SPINK13: variants seen among roughly 807,000 people sequenced by gnomAD.
SPINK13 encodes the protein serine protease inhibitor Kazal-type 13.
In SPINK13, 11 loss-of-function variants were observed where a neutral mutation model predicts 11.0. That is an observed-to-expected ratio of 1.00 (90% CI 0.63 to 1.65). The LOEUF (loss-of-function observed/expected upper bound fraction) is 1.65. Among genes scored for constraint, SPINK13 ranks in the 40% most tolerant of loss-of-function variants. SPINK13 has a pLI of 0.00. For missense variants in SPINK13, 113 were observed against 117.7 expected, an observed-to-expected ratio of 0.96 and a Z score of 0.19; for synonymous variants, 31 against 35.6, an observed-to-expected ratio of 0.87 and a Z score of 0.46.
intron 3 of SPINK13, 30 bp downstream of exon 3, chr5:148,274,414 T>A (rs780768969): frequency 7.6e-6 from 12 of 1,581,852 alleles, no homozygotes; most frequent in South Asian, 6.7e-5. Flanking sequence ...TTCTAGGTTG[T>A]AATTCTAGTC....
intron 2 of SPINK13, among the ~76,000 whole-genome samples, chr5:148,272,302 G>T (rs1008298620): frequency 2.6e-5 from 4 of 152,140 alleles, no homozygotes; most frequent in East Asian, 1.9e-4. Context: ...AGAAGATAAT[G>T]CCAGATGGTT....
At chr5:148,272,189 T>C (rs569651596) in intron 2 of SPINK13, among the ~76,000 whole-genome samples, 17 of 152,278 alleles carry the variant, frequency 1.1e-4, no homozygotes, top group African/African-American at 4.1e-4. Flanking sequence ...TTCTTATACA[T>C]GTTTTTTGAT....
intron 3 of SPINK13, among the ~76,000 whole-genome samples, chr5:148,278,667 G>T (rs544602776): frequency 6.6e-6 from 1 of 152,296 alleles, no homozygotes; most frequent in South Asian, 2.1e-4. Flanking sequence ...TTTTGCATTT[G>T]CTGAGGAGTG....
chr5:148,282,285 T>C, intron 4 of SPINK13, 54 bp downstream of exon 4: 3 of 1,601,610 alleles, frequency 1.9e-6, no homozygotes, highest in Non-Finnish European at 2.6e-6. Context: ...TCACAGAAAT[T>C]TCAAAGAAAC....
chr5:148,283,697 A>T (rs1014547334), intron 4 of SPINK13, among the ~76,000 whole-genome samples: 12 of 152,250 alleles, frequency 7.9e-5, no homozygotes, highest in Non-Finnish European at 2.9e-5. Flanking sequence ...AAGTTACATT[A>T]TCCTTCCTTC....
Position 148,283,925 on chromosome 5 carries a change from C to T in SPINK13, c.236+1694C>T, listed in dbSNP as rs112779457. Among the ~76,000 whole-genome samples, 22 of 152,240 alleles carry T rather than the reference C, an allele frequency of 1.4e-4. 2 individuals are homozygous for T. Among genetic ancestry groups the T allele is most frequent in the African/African-American group, 4.8e-4 (20 of 41,554 alleles). ...ACACACAATGTGGGCCGTGATCTGC[C>T]GGACTATTACTTCACAACTTCCCAC... On this transcript the variant is annotated intron_variant, in intron 4 of 4. Coordinates refer to ENST00000398450, the MANE Select transcript of SPINK13 (RefSeq NM_001040129.3).
intron 2 of SPINK13, among the ~76,000 whole-genome samples, chr5:148,272,661 T>G (rs1170373737): frequency 6.6e-6 from 1 of 152,140 alleles, no homozygotes; most frequent in African/African-American, 2.4e-5. Context: ...CAATACTTCC[T>G]GTTCTCAGGA....
intron 3 of SPINK13, among the ~76,000 whole-genome samples, chr5:148,275,666 CT>C (rs768312591): frequency 4.6e-3 from 660 of 142,094 alleles, no homozygotes; most frequent in Non-Finnish European, 4.6e-3. Flanking sequence ...GACTTTTTTT[CT>C]TTTTTTTTTT....
chr5:148,271,215 CCTG>C (rs1756345306), intron 2 of SPINK13, among the ~76,000 whole-genome samples: 1 of 152,300 alleles, frequency 6.6e-6, no homozygotes, highest in African/African-American at 2.4e-5. Context: ...CAATTGATTG[CCTG>C]CTATGTGTAG....
intron 4 of SPINK13, among the ~76,000 whole-genome samples, chr5:148,282,923 G>T (rs1756539299): frequency 6.6e-6 from 1 of 152,116 alleles, no homozygotes; most frequent in Non-Finnish European, 1.5e-5. Context: ...GGTTCCCCAA[G>T]ACTATCTTCA....
intron 2 of SPINK13, among the ~76,000 whole-genome samples, chr5:148,271,744 C>T (rs1581163691): frequency 6.6e-6 from 1 of 152,280 alleles, no homozygotes; most frequent in East Asian, 1.9e-4. Flanking sequence ...CCTGCCTCAG[C>T]CTCCCGAGTA....
rs751793157 is a variant in SPINK13, at chr5:148,276,643, T to C, written c.108+2259T>C. Reference sequence around the variant, plus strand: ...TGTTATTTCTGAGGCCTCTGTTCTGTTCCATTGGTCTATACAGCTGTTTTG... The same window carrying C: ...TGTTATTTCTGAGGCCTCTGTTCTGCTCCATTGGTCTATACAGCTGTTTTG... On this transcript the variant is annotated intron_variant, in intron 3 of 4. Coordinates refer to ENST00000398450, the MANE Select transcript of SPINK13 (RefSeq NM_001040129.3). Among the ~76,000 whole-genome samples the C allele has an allele frequency of 1.0e-3, 159 of 152,318 alleles. 2 individuals carry two copies. In the Middle Eastern group the frequency reaches 0.017, roughly 16 times the overall value.
chr5:148,276,331 G>A (rs1302785126), intron 3 of SPINK13, among the ~76,000 whole-genome samples: 1 of 152,122 alleles, frequency 6.6e-6, no homozygotes, highest in Non-Finnish European at 1.5e-5. Context: ...GGCTTCTGTT[G>A]CCAATTGCTT....
chr5:148,277,266 A>C (rs915548868), intron 3 of SPINK13, among the ~76,000 whole-genome samples: 2 of 152,286 alleles, frequency 1.3e-5, no homozygotes, highest in South Asian at 2.1e-4. Context: ...AATACACTTT[A>C]TTTCTTTCTC....
At chr5:148,283,381 C>T (rs1031551422) in intron 4 of SPINK13, among the ~76,000 whole-genome samples, 1 of 152,176 alleles carries the variant, frequency 6.6e-6, no homozygotes, top group African/African-American at 2.4e-5. Flanking sequence ...AGACCCAGGT[C>T]CTGGATATAC....
chr5:148,270,741 A>G (rs1756338411), intron 2 of SPINK13: 1 of 152,358 alleles, frequency 6.6e-6, no homozygotes, highest in Non-Finnish European at 1.5e-5. Flanking sequence ...CCTAAGATTG[A>G]AAAATTATAC....
intron 3 of SPINK13, among the ~76,000 whole-genome samples, chr5:148,280,856 G>A (rs961183859): frequency 6.6e-6 from 1 of 152,188 alleles, no homozygotes; most frequent in African/African-American, 2.4e-5. Context: ...AGGCAGGAAC[G>A]TTTAAGTCTG....
intron 3 of SPINK13, among the ~76,000 whole-genome samples, chr5:148,279,763 A>T (rs1176762365): frequency 6.6e-6 from 1 of 151,864 alleles, no homozygotes; most frequent in Non-Finnish European, 1.5e-5. Context: ...GTCTCTTGGG[A>T]TTGCCCTCCT....
chr5:148,276,684 T>C (rs547392320), intron 3 of SPINK13, among the ~76,000 whole-genome samples: 11 of 152,342 alleles, frequency 7.2e-5, no homozygotes, highest in East Asian at 3.9e-4. Flanking sequence ...TGTTGCCTTG[T>C]AGTATAATTT....
Sources: gnomAD v4.1 joint callset for allele counts (sites outside exome capture counted in the v4.1 genomes callset) on GRCh38, gnomAD v4.1.1 for gene constraint, MANE v1.5 for transcripts, NCBI Gene and HGNC (gene_info 2026-07-23, HGNC 2026-07-21) for gene names.